The following MITF variants were observed in gnomAD, a reference collection of about 807,000 sequenced individuals.
MITF encodes microphthalmia-associated transcription factor.
Under a neutral mutation model 60.5 loss-of-function variants are expected in MITF, and 17 were observed. That is an observed-to-expected ratio of 0.28 (90% CI 0.19 to 0.42). The LOEUF (loss-of-function observed/expected upper bound fraction) is 0.42, where lower values mean the gene tolerates loss of function less well. Among genes scored for constraint, MITF ranks in the 10% least tolerant of loss-of-function variants. The pLI, the probability that MITF is intolerant of heterozygous loss-of-function variation, is 1.00. For missense variants in MITF, 622 were observed against 683.5 expected (o/e 0.91, Z 1.00); for synonymous variants, 260 against 248.5 (o/e 1.05, Z -0.43).
chr3:69,945,006 G>T (rs544973491), intron 5 of MITF, among the ~76,000 whole-genome samples: 2 of 152,094 alleles, frequency 1.3e-5, no homozygotes, highest in South Asian at 4.2e-4. Flanking sequence ...AAATAAAGTG[G>T]AAGGAACACT....
intron 1 of MITF, among the ~76,000 whole-genome samples, chr3:69,778,637 A>C (rs1453801108): frequency 6.6e-6 from 1 of 152,196 alleles, no homozygotes; most frequent in African/African-American, 2.4e-5. Flanking sequence ...TAAATCAAGA[A>C]GGGAGAACAA....
intron 1 of MITF, among the ~76,000 whole-genome samples, chr3:69,866,830 CTT>C (rs35550619): frequency 7.2e-5 from 10 of 139,416 alleles, no homozygotes; most frequent in Non-Finnish European, 9.4e-5. Flanking sequence ...CTCCCCCCAC[CTT>C]TTTTTTTTTT....
intron 1 of MITF, among the ~76,000 whole-genome samples, chr3:69,793,374 G>A (rs2062773495): frequency 6.6e-6 from 1 of 152,154 alleles, no homozygotes; most frequent in Admixed American, 6.5e-5. Context: ...TATCTATGCT[G>A]TATAGTGAAG....
At chr3:69,808,315 G>A (rs1247933716) in intron 1 of MITF, among the ~76,000 whole-genome samples, 2 of 151,908 alleles carry the variant, frequency 1.3e-5, no homozygotes, top group African/African-American at 4.8e-5. Flanking sequence ...GAGAGTCAAG[G>A]GGGGCACTTT....
At chr3:69,907,379 A>G (rs1442049005) in intron 2 of MITF, among the ~76,000 whole-genome samples, 1 of 152,178 alleles carries the variant, frequency 6.6e-6, no homozygotes, top group Non-Finnish European at 1.5e-5. Flanking sequence ...ATTCAGCACA[A>G]ATCTATTGGA....
chr3:69,889,025 G>GGT (rs2064692630), intron 2 of MITF, among the ~76,000 whole-genome samples: 1 of 58,804 alleles, frequency 1.7e-5, no homozygotes, highest in Non-Finnish European at 3.2e-5. Flanking sequence ...ATAGCCTTTG[G>GGT]TTTTTTTTTT....
chr3:69,775,559 G>A (rs2062460767), intron 1 of MITF, among the ~76,000 whole-genome samples: 1 of 152,128 alleles, frequency 6.6e-6, no homozygotes. Flanking sequence ...CTTGACACGA[G>A]GGGCTGTGAT....
chr3:69,803,679 A>G (rs2062957939), intron 1 of MITF, among the ~76,000 whole-genome samples: 1 of 152,236 alleles, frequency 6.6e-6, no homozygotes, highest in African/African-American at 2.4e-5. Flanking sequence ...AAACAGGCAC[A>G]TGTGTGTGCA....
Position 69,965,828 on chromosome 3 carries a change from G to A in MITF, c.*580G>A, listed in dbSNP as rs899134784. 5.7e-5 allele frequency: 13 copies of A among 229,748 alleles called. No homozygotes were observed. Among genetic ancestry groups the A allele is most frequent in the African/African-American group, 1.3e-4 (6 of 45,030 alleles). The allele number at this position is 229,748 out of a possible 1,614,324, so 14.2% of individuals were successfully genotyped here. A position where few individuals can be genotyped will look rare whatever the true frequency, so the allele number is the denominator to read the frequency against. The stretch of plus-strand genomic sequence containing the variant: ...ATTCTGTAAAAGAAAAAAAAAATGC[G>A]GCCTTTTCATGAGGATCGTCTGGTT... On this transcript the variant is annotated 3_prime_UTR_variant, in exon 10 of 10. Coordinates refer to ENST00000352241, the MANE Select transcript of MITF (RefSeq NM_001354604.2).
intron 1 of MITF, among the ~76,000 whole-genome samples, chr3:69,792,375 C>T (rs1278251965): frequency 6.6e-6 from 1 of 152,034 alleles, no homozygotes; most frequent in Non-Finnish European, 1.5e-5. Context: ...ACAGTGATGC[C>T]CTTTTTTTCT....
chr3:69,967,236 T>G lies in MITF; in HGVS notation c.*1988T>G, dbSNP rs921634706. The G allele has an allele frequency of 4.3e-6, 1 of 232,214 alleles. No homozygotes were observed. Among genetic ancestry groups the G allele is most frequent in the Non-Finnish European group, 8.5e-6 (1 of 117,222 alleles). 14.4% of individuals were successfully genotyped at this position (232,214 alleles called of 1,614,324 possible). ...GGTGATGCTATCAGTTTTATAGCTT[T>G]ATTTCTTAAGGGGGTAGGGAAAATT... is the stretch of plus-strand genomic sequence containing the variant. On this transcript the variant is annotated 3_prime_UTR_variant, in exon 10 of 10. Coordinates refer to ENST00000352241, the MANE Select transcript of MITF (RefSeq NM_001354604.2).
chr3:69,838,338 AG>A (rs2107128835), intron 1 of MITF, among the ~76,000 whole-genome samples: 1 of 141,914 alleles, frequency 7.0e-6, no homozygotes, highest in South Asian at 2.2e-4. Context: ...CGTCAGCAAA[AG>A]CACTAATTTT....
At chr3:69,948,464 G>A (rs1277939090) in intron 5 of MITF, among the ~76,000 whole-genome samples, 3 of 150,764 alleles carry the variant, frequency 2.0e-5, no homozygotes, top group East Asian at 1.9e-4. Flanking sequence ...AAGTCTGTGG[G>A]CTCCCTCTTG....
At chr3:69,922,913 A>T (rs755249005) in intron 2 of MITF, among the ~76,000 whole-genome samples, 1 of 152,164 alleles carries the variant, frequency 6.6e-6, no homozygotes, top group African/African-American at 2.4e-5. Context: ...ACAAATGTCC[A>T]TATTGACTTT....
At chr3:69,958,422 A>G (rs2066453881) in intron 8 of MITF, among the ~76,000 whole-genome samples, 1 of 152,140 alleles carries the variant, frequency 6.6e-6, no homozygotes, top group Non-Finnish European at 1.5e-5. Flanking sequence ...CTTATGGGAG[A>G]ACTTCTGTGT....
At chr3:69,776,018 G>A (rs998526076) in intron 1 of MITF, among the ~76,000 whole-genome samples, 9 of 152,238 alleles carry the variant, frequency 5.9e-5, no homozygotes, top group African/African-American at 9.6e-5. Context: ...TCTATGAATA[G>A]TCACACCCTA....
chr3:69,862,836 T>C (rs901486111), intron 1 of MITF, among the ~76,000 whole-genome samples: 4 of 152,210 alleles, frequency 2.6e-5, no homozygotes, highest in African/African-American at 4.8e-5. Flanking sequence ...GAGTAGTACT[T>C]ATTATTGCAG....
At chr3:69,826,180 T>G (rs2063351682) in intron 1 of MITF, among the ~76,000 whole-genome samples, 1 of 152,214 alleles carries the variant, frequency 6.6e-6, no homozygotes. Context: ...GCACCCTAGA[T>G]GCTTCCTTCC....
chr3:69,763,873 T>C, intron 1 of MITF: 1 of 1,377,684 alleles, frequency 7.3e-7, no homozygotes, highest in Non-Finnish European at 9.7e-7. Context: ...TCAGTGGTTT[T>C]CCCACGAGCT....
Sources: allele counts gnomAD v4.1 joint callset (sites outside exome capture counted in the v4.1 genomes callset), GRCh38; gene constraint gnomAD v4.1.1; transcripts MANE v1.5; gene names NCBI Gene and HGNC (gene_info 2026-07-23, HGNC 2026-07-21).